TAS2R10: variants seen among roughly 807,000 people sequenced by gnomAD.
TAS2R10 encodes the protein taste receptor type 2 member 10.
For missense variants in TAS2R10, 385 were observed against 362.0 expected (o/e 1.06, Z -0.52); for synonymous variants, 144 against 126.6 (o/e 1.14, Z -0.92).
exon 1 of TAS2R10, chr12:10,825,490 C>G (rs754178763): frequency 6.2e-7 from 1 of 1,613,702 alleles, no homozygotes; most frequent in East Asian, 2.2e-5. Flanking sequence ...TCATTCCAAA[C>G]ATAAGCAGCA....
exon 1 of TAS2R10, chr12:10,826,228 A>C (rs1189659033): frequency 6.2e-7 from 1 of 1,611,770 alleles, no homozygotes; most frequent in Non-Finnish European, 8.5e-7. Context: ...CTGACTCACT[A>C]ACTACAACAA....
exon 1 of TAS2R10, chr12:10,825,992 T>G (rs1948863478): frequency 6.2e-7 from 1 of 1,613,672 alleles, no homozygotes; most frequent in Non-Finnish European, 8.5e-7. Context: ...CATACTTGAT[T>G]GATTACCAAT....
In TAS2R10 at chr12:10,826,057, A is replaced by T. The variant is rs773170696; in HGVS notation, c.213T>A (p.Ser71=). 3.7e-6 allele frequency: 6 copies of T among 1,613,036 alleles called. No homozygotes were observed. In the East Asian group the frequency reaches 1.3e-4, roughly 36 times the overall value. The change falls in exon 1 of 1, where the codon TCT becomes TCA. Residue 71 remains serine (S), a synonymous_variant. Transcript: ENST00000240619. ...GGTTACCGGAGGCATATATATTTGG[A>T]GAGAATATCTGTATAAATCCATCTG...
chr12:10,826,126 G>C (rs141582408), exon 1 of TAS2R10: 1 of 1,613,288 alleles, frequency 6.2e-7, no homozygotes, highest in Non-Finnish European at 8.5e-7. Flanking sequence ...TAGCTAAGCC[G>C]GTGAGAATAA....
chr12:10,825,789 CTG>C, the TAS2R10 span: 42 of 1,613,058 alleles, frequency 2.6e-5, no homozygotes, highest in Non-Finnish European at 3.6e-5. Flanking sequence ...AGATCCCAGA[CTG>C]TGTCATTCTT....
exon 1 of TAS2R10, chr12:10,825,658 G>A (rs557063897): frequency 6.2e-7 from 1 of 1,613,530 alleles, no homozygotes; most frequent in Admixed American, 1.7e-5. Context: ...GCATCTGCCT[G>A]TTGTGTCTCC....
exon 1 of TAS2R10, chr12:10,825,718 G>A (rs2071448353): frequency 1.2e-6 from 2 of 1,613,428 alleles, no homozygotes; most frequent in Non-Finnish European, 1.7e-6. Context: ...GTGTAAAGAA[G>A]AAAATGACTC....
exon 1 of TAS2R10, chr12:10,825,383 T>C (rs763985508): frequency 1.2e-5 from 19 of 1,612,362 alleles, no homozygotes; most frequent in Admixed American, 1.7e-5. Context: ...CTCACAGCAC[T>C]TCAATTGCTG....
At chr12:10,826,118 G>C (rs1948865011) in exon 1 of TAS2R10, 3 of 1,613,226 alleles carry the variant, frequency 1.9e-6, no homozygotes, top group Non-Finnish European at 8.5e-7. Context: ...TCTTGAAATA[G>C]CTAAGCCGGT....
chr12:10,825,366 T>G, exon 1 of TAS2R10: 1 of 1,609,662 alleles, frequency 6.2e-7, no homozygotes, highest in Non-Finnish European at 8.5e-7. Flanking sequence ...CTGAGATTTT[T>G]CCTTTTCTCA....
chr12:10,825,307 G>A (rs1948855605), downstream of TAS2R10: 1 of 1,488,388 alleles, frequency 6.7e-7, no homozygotes, highest in South Asian at 1.3e-5. Context: ...TTTATTCACT[G>A]GATTCCTTTC....
At chr12:10,825,724 G>T in exon 1 of TAS2R10, 1 of 1,613,396 alleles carries the variant, frequency 6.2e-7, no homozygotes, top group Non-Finnish European at 8.5e-7. Context: ...AGAAGAAAAT[G>T]ACTCCCAGAT....
exon 1 of TAS2R10, chr12:10,825,368 C>T: frequency 6.2e-7 from 1 of 1,607,994 alleles, no homozygotes; most frequent in Non-Finnish European, 8.5e-7. Flanking sequence ...GAGATTTTTC[C>T]TTTTCTCACA....
chr12:10,825,273 T>A (rs966408073), downstream of TAS2R10: 4 of 1,143,152 alleles, frequency 3.5e-6, no homozygotes, highest in Non-Finnish European at 5.0e-6. Context: ...AAGAATGCAG[T>A]GCAATGAAAC....
At chr12:10,826,203 C>G (rs1265396554) in exon 1 of TAS2R10, 2 of 1,613,280 alleles carry the variant, frequency 1.2e-6, no homozygotes, top group East Asian at 4.5e-5. Context: ...AATCCATTCC[C>G]CAAAACCCCA....
Position 10,825,651 on chromosome 12 carries a change from T to C in TAS2R10, c.619A>G (p.Met207Val), listed in dbSNP as rs145097656. The C allele has an allele frequency of 1.8e-5, 29 of 1,613,794 alleles. No homozygotes were observed. In the African/African-American group the frequency reaches 3.6e-4, roughly 20 times the overall value. The stretch of plus-strand genomic sequence containing the variant: ...CTCAATCCTGTCACATTCGATTGCA[T>C]CTGCCTGTTGTGTCTCCAAAGGGAA... Residue 207 changes from methionine (M) to valine (V), a missense_variant, in exon 1 of 1, where the codon ATG (methionine) becomes GTG (valine). By Grantham distance (21) the Met-to-Val change is conservative (BLOSUM62 1). Transcript: ENST00000240619.
exon 1 of TAS2R10, chr12:10,826,099 C>T: frequency 3.1e-6 from 5 of 1,613,330 alleles, no homozygotes; most frequent in Non-Finnish European, 4.2e-6. Flanking sequence ...TTATCCATAT[C>T]AGAAAAATTC....
exon 1 of TAS2R10, chr12:10,825,754 A>G: frequency 6.2e-7 from 1 of 1,613,474 alleles, no homozygotes; most frequent in South Asian, 1.1e-5. Flanking sequence ...TCTGTTTAAT[A>G]AAGTATTCAC....
chr12:10,826,180 T>C (rs1001773125), exon 1 of TAS2R10: 1 of 1,613,326 alleles, frequency 6.2e-7, no homozygotes, highest in Non-Finnish European at 8.5e-7. Flanking sequence ...CAATGCAGTT[T>C]ACAAGTCCAA....
Sources: allele counts gnomAD v4.1 joint callset, GRCh38; gene constraint gnomAD v4.1.1; transcripts MANE v1.5; gene names NCBI Gene and HGNC (gene_info 2026-07-23, HGNC 2026-07-21).